SMAP1: variants seen among roughly 807,000 people sequenced by gnomAD.
SMAP1 encodes small ArfGAP 1.
A neutral mutation model predicts 58.5 loss-of-function variants in SMAP1; 24 were observed. The observed-to-expected ratio is 0.41, with a 90% CI of 0.30 to 0.58. The LOEUF (loss-of-function observed/expected upper bound fraction) is 0.58, where lower values mean the gene tolerates loss of function less well. Among genes scored for constraint, SMAP1 ranks in the 20% least tolerant of loss-of-function variants. SMAP1 has a pLI of 0.29. For missense variants in SMAP1, 563 were observed against 566.3 expected (o/e 0.99, Z 0.06); for synonymous variants, 216 against 196.6 (o/e 1.10, Z -0.82).
intron 1 of SMAP1, among the ~76,000 whole-genome samples, chr6:70,715,383 C>T (rs1363497749): frequency 1.3e-5 from 2 of 151,828 alleles, no homozygotes; most frequent in South Asian, 2.1e-4. Flanking sequence ...TGAGCCACTG[C>T]ACCTAGCCTG....
At chr6:70,820,800 A>AT (rs1309864840) in intron 6 of SMAP1, among the ~76,000 whole-genome samples, 1 of 151,464 alleles carries the variant, frequency 6.6e-6, no homozygotes, top group Non-Finnish European at 1.5e-5. Context: ...TTTTTTGGTT[A>AT]TTTTTTCCCA....
intron 3 of SMAP1, among the ~76,000 whole-genome samples, chr6:70,764,493 T>A (rs80027369): frequency 1.3e-5 from 2 of 152,306 alleles, no homozygotes; most frequent in East Asian, 3.9e-4. Flanking sequence ...TAATGTTTAT[T>A]TACTATTTTG....
intron 2 of SMAP1, among the ~76,000 whole-genome samples, chr6:70,753,175 A>T (rs1212706131): frequency 1.3e-5 from 2 of 152,152 alleles, no homozygotes; most frequent in African/African-American, 4.8e-5. Context: ...TAAGAAAAAA[A>T]ATACCAATTA....
chr6:70,685,984 C>A (rs955748458), intron 1 of SMAP1, among the ~76,000 whole-genome samples: 2 of 152,124 alleles, frequency 1.3e-5, no homozygotes, highest in African/African-American at 4.8e-5. Flanking sequence ...TGGCTCACTG[C>A]AGCCTCAAAC....
Position 70,860,519 on chromosome 6 carries a change from A to G in SMAP1, c.*185A>G, listed in dbSNP as rs1030074806. ...TTGATGTGGTGAAAAGCAGGTTGAT[A>G]AATCATTTTATGTCAAGGGCAGCTT... On this transcript the variant is annotated 3_prime_UTR_variant, in exon 11 of 11. Transcript: ENST00000370455. 3 of 558,598 alleles carry G rather than the reference A, an allele frequency of 5.4e-6. No individual in the cohort carries two copies. The highest frequency in any genetic ancestry group is 8.3e-6 in the Non-Finnish European group (3 of 361,602). 34.6% of individuals were successfully genotyped at this position (558,598 alleles called of 1,614,324 possible).
intron 5 of SMAP1, among the ~76,000 whole-genome samples, chr6:70,792,559 T>A (rs1211322347): frequency 6.6e-6 from 1 of 152,024 alleles, no homozygotes; most frequent in Non-Finnish European, 1.5e-5. Flanking sequence ...TGAGGTACGC[T>A]CACTGTACTG....
At chr6:70,855,049 TTCA>T (rs1408367083) in intron 8 of SMAP1, among the ~76,000 whole-genome samples, 2 of 148,462 alleles carry the variant, frequency 1.3e-5, no homozygotes, top group African/African-American at 5.0e-5. Context: ...TTCCTGTTCT[TTCA>T]TATACATATA....
At chr6:70,845,804 C>T (rs1234192835) in intron 7 of SMAP1, among the ~76,000 whole-genome samples, 4 of 152,206 alleles carry the variant, frequency 2.6e-5, no homozygotes, top group East Asian at 1.9e-4. Flanking sequence ...TGGGAGGTGC[C>T]GTGACAACAG....
chr6:70,731,667 G>A (rs975785937), intron 1 of SMAP1, among the ~76,000 whole-genome samples: 1 of 152,126 alleles, frequency 6.6e-6, no homozygotes, highest in Non-Finnish European at 1.5e-5. Context: ...GTTTCACACT[G>A]TATATATTCA....
At chr6:70,750,735 C>G (rs1485817643) in intron 2 of SMAP1, among the ~76,000 whole-genome samples, 1 of 151,990 alleles carries the variant, frequency 6.6e-6, no homozygotes, top group African/African-American at 2.4e-5. Context: ...TTGATGAGGG[C>G]AAAATACTTT....
intron 7 of SMAP1, among the ~76,000 whole-genome samples, chr6:70,844,972 CACT>C (rs1200558775): frequency 6.6e-6 from 1 of 152,124 alleles, no homozygotes; most frequent in Non-Finnish European, 1.5e-5. Context: ...GTGCTGTTTC[CACT>C]TTAATTTCAT....
chr6:70,818,716 C>G (rs1176029357), intron 6 of SMAP1, among the ~76,000 whole-genome samples: 1 of 152,158 alleles, frequency 6.6e-6, no homozygotes, highest in East Asian at 1.9e-4. Flanking sequence ...AGAGTGTTGG[C>G]ATTCCTCAAA....
rs140553428 is a variant in SMAP1, at chr6:70,851,457, T to C, written c.665-1083T>C. ...TGAAAAGGTTTTCAAAGATGACAGA[T>C]TTCCCTTTGATGAGAGTATGGTCTA... On this transcript the variant is annotated intron_variant, in intron 7 of 10. Coordinates refer to ENST00000370455, the MANE Select transcript of SMAP1 (RefSeq NM_001044305.3). 1.2e-4 allele frequency among the ~76,000 whole-genome samples: 18 copies of C among 152,338 alleles called. No homozygotes were observed. In the East Asian group the frequency reaches 3.5e-3, roughly 29 times the overall value.
chr6:70,824,301 T>A (rs1334705606), intron 6 of SMAP1, among the ~76,000 whole-genome samples: 1 of 152,228 alleles, frequency 6.6e-6, no homozygotes, highest in East Asian at 1.9e-4. Context: ...AGTCATAAGG[T>A]CAGTATGATA....
chr6:70,818,586 C>T (rs1769745410), intron 6 of SMAP1, among the ~76,000 whole-genome samples: 1 of 152,126 alleles, frequency 6.6e-6, no homozygotes, highest in African/African-American at 2.4e-5. Flanking sequence ...TTTATCAAAC[C>T]TGCTTCCCGT....
chr6:70,732,269 G>C lies in SMAP1; in HGVS notation c.119-109G>C, dbSNP rs978193456. The C allele has an allele frequency of 2.4e-6, 3 of 1,225,024 alleles. No homozygotes were observed. In the African/African-American group the frequency reaches 4.6e-5, roughly 19 times the overall value. The allele number at this position is 1,225,024 out of a possible 1,614,324, so 75.9% of individuals were successfully genotyped here. A position where few individuals can be genotyped will look rare whatever the true frequency, so the allele number is the denominator to read the frequency against. Reference sequence around the variant, plus strand: ...TTGAAAATTTGAGCATGTGACTTCTGTAAGCTTCCATTATAATTATATAAA... The same window carrying C: ...TTGAAAATTTGAGCATGTGACTTCTCTAAGCTTCCATTATAATTATATAAA... On this transcript the variant is annotated intron_variant, in intron 1 of 10. Coordinates refer to ENST00000370455, the MANE Select transcript of SMAP1 (RefSeq NM_001044305.3).
chr6:70,757,556 A>G (rs1582124139), intron 3 of SMAP1, among the ~76,000 whole-genome samples: 1 of 151,650 alleles, frequency 6.6e-6, no homozygotes, highest in South Asian at 2.1e-4. Flanking sequence ...GCACAGCAAA[A>G]GAAACTACCA....
In SMAP1 at chr6:70,794,889, C is replaced by T. The variant is rs541646716; in HGVS notation, c.495+3120C>T. On this transcript the variant is annotated intron_variant, in intron 5 of 10. Coordinates refer to ENST00000370455, the MANE Select transcript of SMAP1 (RefSeq NM_001044305.3). ...CTGCAAGCTCTGCCTCCCGGGTTCA[C>T]GCCATTCTCCTGCCTCAGCCTCCCG... Among the ~76,000 whole-genome samples, 115 of 150,888 alleles carry T rather than the reference C, an allele frequency of 7.6e-4. 1 individual carries two copies. Among genetic ancestry groups the T allele is most frequent in the Non-Finnish European group, 1.0e-3 (70 of 67,726 alleles).
intron 7 of SMAP1, among the ~76,000 whole-genome samples, chr6:70,838,581 T>A (rs1330927907): frequency 6.6e-6 from 1 of 152,186 alleles, no homozygotes; most frequent in Non-Finnish European, 1.5e-5. Context: ...GGTCTGGGTA[T>A]CTGGATCTGT....
Sources: gnomAD v4.1 joint callset for allele counts (sites outside exome capture counted in the v4.1 genomes callset) on GRCh38, gnomAD v4.1.1 for gene constraint, MANE v1.5 for transcripts, NCBI Gene and HGNC (gene_info 2026-07-23, HGNC 2026-07-21) for gene names.